Variants in KCNQ1 observed in about 807,000 individuals in gnomAD.
KCNQ1 encodes potassium voltage-gated channel subfamily Q member 1, also known as potassium voltage-gated channel subfamily KQT member 1.
Under a neutral mutation model 72.4 loss-of-function variants are expected in KCNQ1, and 49 were observed. The observed-to-expected ratio is 0.68, with a 90% CI of 0.54 to 0.86. The LOEUF is 0.86. Among genes scored for constraint, KCNQ1 ranks in the 40% least tolerant of loss-of-function variants. The pLI, the probability that KCNQ1 is intolerant of heterozygous loss-of-function variation, is 0.00. For synonymous variants in KCNQ1, 450 were observed against 412.6 expected, an observed-to-expected ratio of 1.09 and a Z score of -1.10; for missense variants, 790 against 945.1, an observed-to-expected ratio of 0.84 and a Z score of 2.15.
In KCNQ1 at chr11:2,750,624, G is replaced by A. The variant is rs112385476; in HGVS notation, c.1515-18220G>A. On this transcript the variant is annotated intron_variant, in intron 11 of 15. Coordinates refer to ENST00000155840, the MANE Select transcript of KCNQ1 (RefSeq NM_000218.3). The surrounding 1 kb of genome is among the most constrained non-coding windows in gnomAD (Gnocchi z 6.3). The stretch of plus-strand genomic sequence containing the variant: ...AAATCACTTTTCTAGACGAAGACCA[G>A]TAAGAAGCCCATGTCATTCTTCTGA... Among the ~76,000 whole-genome samples, 4 of 152,340 alleles carry A rather than the reference G, an allele frequency of 2.6e-5. No homozygotes were observed. The highest frequency in any genetic ancestry group is 9.6e-5 in the African/African-American group (4 of 41,574).
intron 15 of KCNQ1, among the ~76,000 whole-genome samples, chr11:2,834,036 G>C (rs189506304): frequency 1.3e-5 from 2 of 152,226 alleles, no homozygotes; most frequent in Non-Finnish European, 2.9e-5. Flanking sequence ...GCTGGCTCCC[G>C]GGAGGACATG....
At chr11:2,794,300 C>T (rs551139948) in intron 15 of KCNQ1, among the ~76,000 whole-genome samples, 152 of 152,342 alleles carry the variant, frequency 1.0e-3, no homozygotes, top group Non-Finnish European at 1.6e-3. Context: ...AGAAGGACCC[C>T]GAGCTTCTGC....
chr11:2,621,132 C>T lies in KCNQ1; in HGVS notation c.1393+32278C>T, dbSNP rs1849164988. On this transcript the variant is annotated intron_variant, in intron 10 of 15. Transcript: ENST00000155840. The surrounding 1 kb of genome is among the most constrained non-coding windows in gnomAD (Gnocchi z 5.7). The stretch of plus-strand genomic sequence containing the variant: ...AGCTGGGATTACAGGTGACCGCCAC[C>T]ATACCTGGCTAATTTTTGTGTTTTT... 2 of 397,250 alleles carry T rather than the reference C, an allele frequency of 5.0e-6. No homozygotes were observed. The highest frequency in any genetic ancestry group is 2.1e-5 in the African/African-American group (1 of 48,694). The allele number at this position is 397,250 out of a possible 1,614,324, so 24.6% of individuals were successfully genotyped here. A position where few individuals can be genotyped will look rare whatever the true frequency, so the allele number is the denominator to read the frequency against.
chr11:2,490,519 G>C (rs2133625705), intron 1 of KCNQ1, among the ~76,000 whole-genome samples: 2 of 152,354 alleles, frequency 1.3e-5, no homozygotes, highest in South Asian at 4.1e-4. Context: ...AGTCCCAGTG[G>C]TGGTGGCCAC....
At chr11:2,749,229 G>A (rs1846185731) in intron 11 of KCNQ1, among the ~76,000 whole-genome samples, 1 of 152,200 alleles carries the variant, frequency 6.6e-6, no homozygotes, top group Non-Finnish European at 1.5e-5. Flanking sequence ...ATGATTTCCA[G>A]GGTGGTGTCA....
chr11:2,635,344 G>T (rs959211587), intron 10 of KCNQ1: 4 of 152,100 alleles, frequency 2.6e-5, no homozygotes, highest in Non-Finnish European at 5.9e-5. Flanking sequence ...AATCCATCTT[G>T]AATTAATTTT....
intron 10 of KCNQ1, chr11:2,633,484 T>C (rs945672537): frequency 2.5e-6 from 1 of 398,596 alleles, no homozygotes; most frequent in Non-Finnish European, 4.4e-6. Flanking sequence ...TGTTTTCTTC[T>C]AGTACTGTTT....
intron 11 of KCNQ1, chr11:2,684,865 T>A: frequency 2.5e-6 from 1 of 398,700 alleles, no homozygotes; most frequent in Admixed American, 4.4e-5. Context: ...GGGAGTCTGC[T>A]GAGACAAAAG....
chr11:2,597,952 G>A (rs958289294), intron 10 of KCNQ1, among the ~76,000 whole-genome samples: 1 of 151,764 alleles, frequency 6.6e-6, no homozygotes, highest in African/African-American at 2.4e-5. Flanking sequence ...CTGAACTTTT[G>A]TGGTTTTTCT....
At chr11:2,506,247 G>A (rs1458237609) in intron 1 of KCNQ1, among the ~76,000 whole-genome samples, 1 of 152,052 alleles carries the variant, frequency 6.6e-6, no homozygotes, top group African/African-American at 2.4e-5. Flanking sequence ...TTTATATCCA[G>A]CTTTATTCTT....
At position 2,651,829 on chromosome 11, in the gene KCNQ1, C is replaced by T. The variant is rs898927514; in HGVS notation, c.1394-10132C>T. Reference sequence around the variant, plus strand: ...TAGCATTGGAATGGAGCCCACAGGACCATACCAGACAGATGCCACCACATC... The same window carrying T: ...TAGCATTGGAATGGAGCCCACAGGATCATACCAGACAGATGCCACCACATC... On this transcript the variant is annotated intron_variant, in intron 10 of 15. Coordinates refer to ENST00000155840, the MANE Select transcript of KCNQ1 (RefSeq NM_000218.3). The surrounding 1 kb of genome is among the most constrained non-coding windows in gnomAD (Gnocchi z 6.1). 7.0e-5 allele frequency: 28 copies of T among 398,512 alleles called. No homozygotes were observed. The highest frequency in any genetic ancestry group is 5.8e-4 in the African/African-American group (28 of 48,630). The allele number at this position is 398,512 out of a possible 1,614,324, so 24.7% of individuals were successfully genotyped here. A position where few individuals can be genotyped will look rare whatever the true frequency, so the allele number is the denominator to read the frequency against.
chr11:2,656,850 T>A (rs1048955354), intron 10 of KCNQ1: 13 of 398,552 alleles, frequency 3.3e-5, no homozygotes, highest in Non-Finnish European at 5.3e-5. Flanking sequence ...ATGCTTTTCA[T>A]AGTTAGGTCT....
intron 1 of KCNQ1, among the ~76,000 whole-genome samples, chr11:2,456,317 TAAAA>T (rs1033186024): frequency 6.6e-6 from 1 of 150,520 alleles, no homozygotes; most frequent in Non-Finnish European, 1.5e-5. Flanking sequence ...AAAAAAAAAT[TAAAA>T]AAGATTAGAT....
intron 11 of KCNQ1, among the ~76,000 whole-genome samples, chr11:2,758,497 G>A (rs571337661): frequency 1.4e-3 from 220 of 152,248 alleles, no homozygotes; most frequent in Non-Finnish European, 2.1e-3. Context: ...TAATGTGGTC[G>A]TTTCTTATAA....
rs910215504 is a variant in KCNQ1, at chr11:2,493,915, T to C, written c.387-34013T>C. On this transcript the variant is annotated intron_variant, in intron 1 of 15. Coordinates refer to ENST00000155840, the MANE Select transcript of KCNQ1 (RefSeq NM_000218.3). The surrounding 1 kb of genome is among the most constrained non-coding windows in gnomAD (Gnocchi z 5.3). ...CAATGATAGCTTGATGGGAATAGCA[T>C]TGAATCTATAAATTACTTTGGGCAG... is the stretch of plus-strand genomic sequence containing the variant. 3.9e-5 allele frequency among the ~76,000 whole-genome samples: 6 copies of C among 152,222 alleles called. No individual in the cohort carries two copies. The highest frequency in any genetic ancestry group is 1.4e-4 in the African/African-American group (6 of 41,450).
intron 1 of KCNQ1, among the ~76,000 whole-genome samples, chr11:2,504,116 G>A (rs1847061233): frequency 6.6e-6 from 1 of 152,182 alleles, no homozygotes; most frequent in South Asian, 2.1e-4. Flanking sequence ...AGAAAATGCT[G>A]TGTATACACG....
In KCNQ1 at chr11:2,599,974, A is replaced by T. The variant is rs902858737; in HGVS notation, c.1393+11120A>T. On this transcript the variant is annotated intron_variant, in intron 10 of 15. Transcript: ENST00000155840. The surrounding 1 kb of genome is among the most constrained non-coding windows in gnomAD (Gnocchi z 4.7). ...AGGAATAGGCTTGTTAATTTCAGTG[A>T]TGTAGCCAGGTTGTTTTTCTCGTTT... 2.0e-5 allele frequency among the ~76,000 whole-genome samples: 3 copies of T among 152,162 alleles called. No individual in the cohort carries two copies. The highest frequency in any genetic ancestry group is 7.2e-5 in the African/African-American group (3 of 41,440).
At chr11:2,503,208 T>G (rs1232715061) in intron 1 of KCNQ1, among the ~76,000 whole-genome samples, 1 of 152,144 alleles carries the variant, frequency 6.6e-6, no homozygotes, top group East Asian at 1.9e-4. Context: ...AAAAAGCTTC[T>G]GCACAGCAAA....
rs940777612 is a variant in KCNQ1, at chr11:2,671,670, AG to A, written c.1514+9593del. 15 of 209,128 alleles carry A rather than the reference AG, an allele frequency of 7.2e-5. No individual in the cohort carries two copies. In the Admixed American group the frequency reaches 1.0e-3, roughly 14 times the overall value. 13.0% of individuals were successfully genotyped at this position (209,128 alleles called of 1,614,324 possible). ...TGCTGGGGAAACTGAGGCAGAGAGC[AG>A]GGGTGACTTTGCAAGGCAATAGAGG... On this transcript the variant is annotated intron_variant, in intron 11 of 15. Coordinates refer to ENST00000155840, the MANE Select transcript of KCNQ1 (RefSeq NM_000218.3). This position sits in a 1 kb window ranked among gnomAD's most constrained non-coding sequence, Gnocchi z 4.7.
Sources: allele counts gnomAD v4.1 joint callset (sites outside exome capture counted in the v4.1 genomes callset), GRCh38; gene constraint gnomAD v4.1.1; non-coding constraint Gnocchi (gnomAD v3.1); transcripts MANE v1.5; gene names NCBI Gene and HGNC (gene_info 2026-07-23, HGNC 2026-07-21).